The following ANO3 variants were observed in gnomAD, a reference collection of about 807,000 sequenced individuals.
ANO3 encodes the protein anoctamin-3.
A neutral mutation model predicts 144.8 loss-of-function variants in ANO3; 99 were observed. The observed-to-expected ratio is 0.68, with a 90% CI of 0.58 to 0.81. ANO3 has a LOEUF of 0.81. ANO3 is among the 30% of genes least tolerant of loss of function. The probability of loss-of-function intolerance (pLI) is 0.00; values close to 1 mark genes in which losing one functional copy is unlikely to be tolerated. For synonymous variants in ANO3, 414 were observed against 392.6 expected (o/e 1.05, Z -0.64); for missense variants, 905 against 1,202.2 (o/e 0.75, Z 3.66).
At chr11:26,384,111 A>G (rs1590314265) in intron 1 of ANO3, among the ~76,000 whole-genome samples, 1 of 152,032 alleles carries the variant, frequency 6.6e-6, no homozygotes, top group African/African-American at 2.4e-5. Context: ...CACGTTGGTC[A>G]GGCTGGTCTC....
At chr11:26,488,282 G>A (rs981843870) in intron 4 of ANO3, among the ~76,000 whole-genome samples, 2 of 152,134 alleles carry the variant, frequency 1.3e-5, no homozygotes, top group African/African-American at 4.8e-5. Flanking sequence ...ATTTTTTGAG[G>A]AGAAATTTAA....
At chr11:26,267,395 T>C (rs1335216445) in intron 1 of ANO3, among the ~76,000 whole-genome samples, 1 of 152,226 alleles carries the variant, frequency 6.6e-6, no homozygotes, top group Non-Finnish European at 1.5e-5. Flanking sequence ...ATATTACATG[T>C]CAAGTATTTC....
chr11:26,242,889 C>T (rs1379714238), intron 1 of ANO3, among the ~76,000 whole-genome samples: 1 of 152,162 alleles, frequency 6.6e-6, no homozygotes, highest in East Asian at 1.9e-4. Context: ...CAGAAAGTTC[C>T]AGTAGCAGAC....
At chr11:26,531,481 A>G (rs1187141855) in intron 8 of ANO3, 145 bp downstream of exon 8, 4 of 913,692 alleles carry the variant, frequency 4.4e-6, no homozygotes, top group Non-Finnish European at 6.4e-6. Context: ...CTTAACTTAT[A>G]AACAACACTA....
chr11:26,311,055 C>CA (rs1410271753), intron 1 of ANO3, among the ~76,000 whole-genome samples: 14 of 152,026 alleles, frequency 9.2e-5, no homozygotes, highest in Admixed American at 8.5e-4. Context: ...TCTTCATACT[C>CA]AAAGAAAGGT....
intron 17 of ANO3, among the ~76,000 whole-genome samples, chr11:26,618,994 A>G (rs922682345): frequency 1.3e-5 from 2 of 152,176 alleles, no homozygotes; most frequent in Admixed American, 1.3e-4. Flanking sequence ...TAAGCAATCC[A>G]TTTTGTGAAT....
chr11:26,547,673 A>T, intron 12 of ANO3, 123 bp downstream of exon 12: 1 of 1,006,552 alleles, frequency 9.9e-7, no homozygotes, highest in Non-Finnish European at 1.4e-6. Flanking sequence ...TTTATTTGCT[A>T]TTTCTGTTTT....
chr11:26,577,596 A>G (rs1228291718), intron 14 of ANO3, among the ~76,000 whole-genome samples: 3 of 151,614 alleles, frequency 2.0e-5, no homozygotes, highest in African/African-American at 7.3e-5. Flanking sequence ...AGAGAGAGAA[A>G]GTATTACAGC....
chr11:26,595,460 G>GTTTTTTTTTTTTTTTTTTTTTTTT (rs201712393), intron 14 of ANO3, among the ~76,000 whole-genome samples: 11 of 101,386 alleles, frequency 1.1e-4, no homozygotes, highest in African/African-American at 1.7e-4. Context: ...AGATAGAGTT[G>GTTTTTTTTTTTTTTTTTTTTTTTT]TTTTTTTTTT....
chr11:26,477,395 C>T (rs560810445), intron 4 of ANO3, among the ~76,000 whole-genome samples: 3 of 152,182 alleles, frequency 2.0e-5, no homozygotes, highest in South Asian at 2.1e-4. Flanking sequence ...GGAGTTTTCT[C>T]GACCTGGAAA....
At chr11:26,202,303 TTATA>T (rs545232755) in intron 1 of ANO3, among the ~76,000 whole-genome samples, 2 of 144,518 alleles carry the variant, frequency 1.4e-5, no homozygotes, top group Admixed American at 7.1e-5. Flanking sequence ...TAGATACATA[TTATA>T]TATATCATAT....
intron 1 of ANO3, among the ~76,000 whole-genome samples, chr11:26,318,613 A>T (rs913379746): frequency 3.3e-5 from 5 of 152,246 alleles, no homozygotes; most frequent in African/African-American, 1.2e-4. Flanking sequence ...TTTAGTAAGG[A>T]TAAAGAAGTT....
chr11:26,513,612 C>T (rs192277302), intron 5 of ANO3, among the ~76,000 whole-genome samples: 2 of 152,178 alleles, frequency 1.3e-5, no homozygotes, highest in East Asian at 1.9e-4. Context: ...CTTCAGGAAC[C>T]ACGATGTTTA....
intron 14 of ANO3, among the ~76,000 whole-genome samples, chr11:26,576,713 G>A (rs576607878): frequency 2.5e-4 from 38 of 152,170 alleles, no homozygotes; most frequent in African/African-American, 8.4e-4. Flanking sequence ...ATTTATGTAT[G>A]TATTTCTTAT....
chr11:26,606,000 C>G (rs201189176), intron 17 of ANO3, among the ~76,000 whole-genome samples: 66,928 of 151,212 alleles, frequency 0.44, 15,575 homozygotes, highest in East Asian at 0.67. Context: ...GTTTGCCTTT[C>G]CTTCTCTAGT....
At chr11:26,284,628 G>C (rs539956386) in intron 1 of ANO3, among the ~76,000 whole-genome samples, 3 of 152,144 alleles carry the variant, frequency 2.0e-5, no homozygotes, top group East Asian at 3.9e-4. Context: ...GGCTGGGCGC[G>C]GTGGCTCACT....
rs145869640 is a variant in ANO3 at position 26,343,882 on chromosome 11, T to G, written c.46+11561T>G. ...TAAGATGTTTACAAATCTACCTCCC[T>G]CCCACTTTTTCTGATACTTTTTCTG... On this transcript the variant is annotated intron_variant, in intron 1 of 26. Coordinates refer to ENST00000256737, the MANE Select transcript of ANO3 (RefSeq NM_031418.4). Among the ~76,000 whole-genome samples, 572 of 152,298 alleles carry G rather than the reference T, an allele frequency of 3.8e-3. 3 individuals carry two copies. Among genetic ancestry groups the G allele is most frequent in the African/African-American group, 0.013 (546 of 41,572 alleles).
intron 1 of ANO3, among the ~76,000 whole-genome samples, chr11:26,293,519 T>C (rs1339641340): frequency 7.9e-6 from 1 of 126,256 alleles, no homozygotes; most frequent in Non-Finnish European, 1.6e-5. Context: ...CTAGAGTGGG[T>C]CTATAAATTC....
At chr11:26,244,924 T>G (rs1378713117) in intron 1 of ANO3, among the ~76,000 whole-genome samples, 3 of 151,948 alleles carry the variant, frequency 2.0e-5, no homozygotes, top group African/African-American at 4.8e-5. Context: ...TTGCATTCAC[T>G]GTCAGGTTTA....
Sources: allele counts gnomAD v4.1 joint callset (sites outside exome capture counted in the v4.1 genomes callset), GRCh38; gene constraint gnomAD v4.1.1; transcripts MANE v1.5; gene names NCBI Gene and HGNC (gene_info 2026-07-23, HGNC 2026-07-21).